The following CREB3L1 variants were observed in gnomAD, a reference collection of about 807,000 sequenced individuals.
The protein encoded by CREB3L1 is cyclic AMP-responsive element-binding protein 3-like protein 1.
A neutral mutation model predicts 54.5 loss-of-function variants in CREB3L1; 33 were observed. That is an observed-to-expected ratio of 0.61 (90% CI 0.46 to 0.81). The LOEUF (loss-of-function observed/expected upper bound fraction) is 0.81. Ranked by LOEUF, CREB3L1 falls within the 30% of genes least tolerant of loss-of-function variation. CREB3L1 has a pLI of 0.00. For synonymous variants in CREB3L1, 284 were observed against 286.4 expected (o/e 0.99, Z 0.08); for missense variants, 656 against 673.3 (o/e 0.97, Z 0.29).
At chr11:46,312,725 CT>C in intron 7 of CREB3L1, 55 bp downstream of exon 7, 2 of 1,573,018 alleles carry the variant, frequency 1.3e-6, no homozygotes, top group Non-Finnish European at 1.7e-6. Flanking sequence ...CTGCCCTCCC[CT>C]AGGCCCTCCC....
chr11:46,284,715 G>A (rs954067639), intron 1 of CREB3L1, among the ~76,000 whole-genome samples: 2 of 151,540 alleles, frequency 1.3e-5, no homozygotes, highest in African/African-American at 2.4e-5. Flanking sequence ...TACTGAACAC[G>A]TATAGGCATT....
chr11:46,320,135 C>A, intron 10 of CREB3L1, 129 bp from the exon 11 acceptor site: 1 of 1,040,672 alleles, frequency 9.6e-7, no homozygotes, highest in Non-Finnish European at 1.4e-6. Context: ...TACCTGAGGT[C>A]ACACATCCGG....
At position 46,306,733 on chromosome 11, in the gene CREB3L1, G is replaced by A. The variant is rs542024641; in HGVS notation, c.332-1083G>A. On this transcript the variant is annotated intron_variant, in intron 2 of 11. Coordinates refer to ENST00000621158, the MANE Select transcript of CREB3L1 (RefSeq NM_052854.4). The stretch of plus-strand genomic sequence containing the variant: ...CACAGTAAATGTTTACTAAATAACA[G>A]TAGTTGTATTAACACTGGCTTGTAT... 3.3e-5 allele frequency among the ~76,000 whole-genome samples: 5 copies of A among 151,398 alleles called. No homozygotes were observed. The East Asian group carries it at 5.8e-4, about 18-fold the overall frequency.
chr11:46,281,230 G>A (rs967770827), intron 1 of CREB3L1, among the ~76,000 whole-genome samples: 11 of 152,210 alleles, frequency 7.2e-5, no homozygotes, highest in Non-Finnish European at 5.9e-5. Flanking sequence ...GGTTTCTGAT[G>A]TGGCCACCCT....
chr11:46,298,269 C>T (rs1282306704), intron 1 of CREB3L1, among the ~76,000 whole-genome samples: 1 of 152,196 alleles, frequency 6.6e-6, no homozygotes, highest in East Asian at 1.9e-4. Flanking sequence ...AACTCCAGAC[C>T]TTGAAGGAAT....
At chr11:46,310,908 A>G in intron 4 of CREB3L1, 124 bp from the exon 5 acceptor site, 3 of 1,401,600 alleles carry the variant, frequency 2.1e-6, no homozygotes, top group Non-Finnish European at 2.8e-6. Context: ...GCTGAGACCA[A>G]GCGCCTGGCA....
At chr11:46,279,740 G>A (rs907303126) in intron 1 of CREB3L1, among the ~76,000 whole-genome samples, 4 of 152,234 alleles carry the variant, frequency 2.6e-5, no homozygotes, top group Non-Finnish European at 5.9e-5. Flanking sequence ...ACTAGTCAGA[G>A]GGAAAGAGGT....
intron 1 of CREB3L1, among the ~76,000 whole-genome samples, chr11:46,289,930 A>G (rs1322372755): frequency 6.6e-6 from 1 of 152,168 alleles, no homozygotes; most frequent in African/African-American, 2.4e-5. Context: ...CCTGCGGTCC[A>G]TCAGGCGGAT....
At position 46,278,893 on chromosome 11, in the gene CREB3L1, A is replaced by G. The variant is rs559123079; in HGVS notation, c.102+680A>G. Among the ~76,000 whole-genome samples, 3 of 151,760 alleles carry G rather than the reference A, an allele frequency of 2.0e-5. No individual in the cohort carries two copies. The highest frequency in any genetic ancestry group is 4.4e-5 in the Non-Finnish European group (3 of 67,914). ...TCTGGCTGACTTTCTCCCTCTCCCT[A>G]TGTCTTCTTGACTAGGTCCGACTGT... On this transcript the variant is annotated intron_variant, in intron 1 of 11. Coordinates refer to ENST00000621158, the MANE Select transcript of CREB3L1 (RefSeq NM_052854.4). This position sits in a 1 kb window ranked among gnomAD's most constrained non-coding sequence, Gnocchi z 4.2.
chr11:46,311,215 C>A, intron 5 of CREB3L1, 26 bp downstream of exon 5: 1 of 1,520,578 alleles, frequency 6.6e-7, no homozygotes, highest in Non-Finnish European at 8.8e-7. Context: ...TGGGCTGATC[C>A]CAGAAATGAG....
chr11:46,281,209 C>T (rs929494185), intron 1 of CREB3L1, among the ~76,000 whole-genome samples: 40 of 152,332 alleles, frequency 2.6e-4, no homozygotes, highest in African/African-American at 9.1e-4. Context: ...CTGCCCCTCC[C>T]GCTCTCCCAT....
Position 46,299,972 on chromosome 11 carries a change from T to C in CREB3L1, c.140T>C (p.Met47Thr), listed in dbSNP as rs750936083. The change falls in exon 2 of 12, where the codon ATG (methionine) becomes ACG (threonine). Residue 47 changes from methionine to threonine, a missense_variant. Transcript: ENST00000621158. ...CACCTGGACCACTTTACGGAGAACA[T>C]GGAGGACTTCTCCAATGACCTGTTC... ...PEHLDHFTEN[M>T]EDFSNDLFSS... 2.5e-6 allele frequency: 4 copies of C among 1,613,840 alleles called. No homozygotes were observed. In the African/African-American group the frequency reaches 5.3e-5, roughly 22 times the overall value.
chr11:46,292,119 C>G (rs1253520980), intron 1 of CREB3L1, among the ~76,000 whole-genome samples: 2 of 152,192 alleles, frequency 1.3e-5, no homozygotes, highest in Non-Finnish European at 2.9e-5. Context: ...TGAGTGGAGT[C>G]TGTGCTTCCC....
intron 1 of CREB3L1, among the ~76,000 whole-genome samples, chr11:46,297,803 C>T (rs1392264347): frequency 6.6e-6 from 1 of 152,196 alleles, no homozygotes; most frequent in Non-Finnish European, 1.5e-5. Flanking sequence ...CCCCCCACAA[C>T]TCCCACCATT....
At chr11:46,313,545 G>T (rs1939521566) in intron 8 of CREB3L1, among the ~76,000 whole-genome samples, 1 of 152,104 alleles carries the variant, frequency 6.6e-6, no homozygotes, top group Non-Finnish European at 1.5e-5. Context: ...AATTAGCTGG[G>T]CGTGGTGGTG....
chr11:46,311,358 G>T (rs1367520377), intron 5 of CREB3L1, among the ~76,000 whole-genome samples, 169 bp downstream of exon 5: 1 of 152,188 alleles, frequency 6.6e-6, no homozygotes, highest in Non-Finnish European at 1.5e-5. Flanking sequence ...TTTTATTTTT[G>T]AGTCTTGCTC....
chr11:46,277,799 C>T lies in CREB3L1; in HGVS notation c.-313C>T, dbSNP rs981094494. ...TCCGGGGGGCTCCTGAAGCCCTCAG[C>T]CCCAACCCCGGGCTCCCCATGGAAG... On this transcript the variant is annotated 5_prime_UTR_variant, in exon 1 of 12. Coordinates refer to ENST00000621158, the MANE Select transcript of CREB3L1 (RefSeq NM_052854.4). The T allele has an allele frequency of 1.0e-4, 29 of 287,952 alleles. No individual in the cohort carries two copies. Among genetic ancestry groups the T allele is most frequent in the African/African-American group, 6.1e-4 (28 of 45,984 alleles). The allele number at this position is 287,952 out of a possible 1,614,324, so 17.8% of individuals were successfully genotyped here.
intron 8 of CREB3L1, among the ~76,000 whole-genome samples, chr11:46,314,718 T>C (rs954380145): frequency 6.6e-6 from 1 of 151,346 alleles, no homozygotes; most frequent in Non-Finnish European, 1.5e-5. Context: ...TACTTTTTTT[T>C]TTTTTTTGAG....
chr11:46,285,614 G>A (rs576492473), intron 1 of CREB3L1, among the ~76,000 whole-genome samples: 2 of 152,206 alleles, frequency 1.3e-5, no homozygotes, highest in South Asian at 4.2e-4. Flanking sequence ...GATAGCTGGA[G>A]CAACCATGGG....
Sources: allele counts gnomAD v4.1 joint callset (sites outside exome capture counted in the v4.1 genomes callset), GRCh38; gene constraint gnomAD v4.1.1; non-coding constraint Gnocchi (gnomAD v3.1); transcripts MANE v1.5; gene names NCBI Gene and HGNC (gene_info 2026-07-23, HGNC 2026-07-21).